Variants in GCGR observed in about 807,000 individuals in gnomAD.
GCGR encodes glucagon receptor.
Under a neutral mutation model 56.1 loss-of-function variants are expected in GCGR, and 41 were observed. The ratio of observed to expected loss-of-function variants is 0.73; its 90% CI spans 0.57 to 0.95. GCGR has a LOEUF of 0.95. Ranked by LOEUF, GCGR falls within the 40% of genes least tolerant of loss-of-function variation. The pLI, the probability that GCGR is intolerant of heterozygous loss-of-function variation, is 0.00. For synonymous variants in GCGR, 278 were observed against 271.1 expected, an observed-to-expected ratio of 1.03 and a Z score of -0.25; for missense variants, 595 against 638.2, an observed-to-expected ratio of 0.93 and a Z score of 0.73.
intron 1 of GCGR, among the ~76,000 whole-genome samples, chr17:81,807,646 A>G (rs2143105261): frequency 6.6e-6 from 1 of 152,028 alleles, no homozygotes; most frequent in East Asian, 1.9e-4. Context: ...CCATCCATCC[A>G]CACCTCTTAT....
intron 2 of GCGR, 81 bp downstream of exon 2, chr17:81,809,159 C>CCTGT (rs372155023): frequency 4.6e-5 from 66 of 1,449,166 alleles, no homozygotes; most frequent in Non-Finnish European, 5.7e-5. Flanking sequence ...TGCCTGCCTG[C>CCTGT]CTGCCTGCCT....
chr17:81,809,110 G>A, intron 2 of GCGR, 32 bp downstream of exon 2: 7 of 1,532,912 alleles, frequency 4.6e-6, no homozygotes, highest in Non-Finnish European at 5.2e-6. Flanking sequence ...AGCACCCAGG[G>A]GCCCTCCTGT....
Position 81,812,321 on chromosome 17 carries a change from G to A in GCGR, c.948+69G>A, listed in dbSNP as rs2038119686. On this transcript the variant is annotated intron_variant, in intron 10 of 13. Transcript: ENST00000400723. The surrounding 1 kb of genome is among the most constrained non-coding windows in gnomAD (Gnocchi z 8.5). ...CCTTGGCGTCCTGAGGCTGCCCCAG[G>A]AGACAGCAGCATCCTGTCTGAGAGC... 6.0e-6 allele frequency: 9 copies of A among 1,499,662 alleles called. No individual in the cohort carries two copies. The South Asian group carries it at 7.2e-5, about 12-fold the overall frequency. 92.9% of individuals were successfully genotyped at this position (1,499,662 alleles called of 1,614,324 possible).
Position 81,810,980 on chromosome 17 carries a change from G to C in GCGR, c.272-30G>C, listed in dbSNP as rs775310367. On this transcript the variant is annotated intron_variant, in intron 4 of 13. Coordinates refer to ENST00000400723, the MANE Select transcript of GCGR (RefSeq NM_000160.5). The surrounding 1 kb of genome is among the most constrained non-coding windows in gnomAD (Gnocchi z 4.6). ...GTGGGGGGGGCGGGCCCAGGGTGGG[G>C]CTGACCCCAGCCTCCCCCCACACCC... The C allele has an allele frequency of 2.6e-6, 4 of 1,535,558 alleles. No homozygotes were observed. The African/African-American group carries it at 4.1e-5, about 16-fold the overall frequency.
In GCGR at chr17:81,804,899, G is replaced by A. The variant is rs2037920041; in HGVS notation, c.-178+650G>A. On this transcript the variant is annotated intron_variant, in intron 1 of 13. Transcript: ENST00000400723. This position sits in a 1 kb window ranked among gnomAD's most constrained non-coding sequence, Gnocchi z 8.2. ...CTCCGACTCTGAACCGACTGACCCC[G>A]GCCCCCTCGGCGCCCGCATCCTCCA... Among the ~76,000 whole-genome samples, 1 of 152,140 alleles carries A rather than the reference G, an allele frequency of 6.6e-6. No individual in the cohort carries two copies. Among genetic ancestry groups the A allele is most frequent in the South Asian group, 2.1e-4 (1 of 4,830 alleles).
Position 81,813,140 on chromosome 17 carries a change from C to T in GCGR, c.1218+83C>T. On this transcript the variant is annotated intron_variant, in intron 13 of 13. Transcript: ENST00000400723. This position sits in a 1 kb window ranked among gnomAD's most constrained non-coding sequence, Gnocchi z 5.3. ...GAGAGAGGCACAGGGATGCCAGCCC[C>T]ACCCCTGCCCGGGGGTTGGAACACG... 4 of 1,524,632 alleles carry T rather than the reference C, an allele frequency of 2.6e-6. No homozygotes were observed. The highest frequency in any genetic ancestry group is 3.5e-6 in the Non-Finnish European group (4 of 1,138,170). 94.4% of individuals were successfully genotyped at this position (1,524,632 alleles called of 1,614,324 possible). A position where few individuals can be genotyped will look rare whatever the true frequency, so the allele number is the denominator to read the frequency against.
chr17:81,811,141 C>A lies in GCGR; in HGVS notation c.393+10C>A, dbSNP rs141153013. ...GGAGATTGAGGTCCAGGTCAGTGGG[C>A]GGCAGGCAGGCGCGGTGGGGCTGGA... On this transcript the variant is annotated intron_variant, in intron 5 of 13. Coordinates refer to ENST00000400723, the MANE Select transcript of GCGR (RefSeq NM_000160.5). The surrounding 1 kb of genome is among the most constrained non-coding windows in gnomAD (Gnocchi z 5.8). 1,088 of 1,536,152 alleles carry A rather than the reference C, an allele frequency of 7.1e-4. 5 individuals carry two copies. The African/African-American group carries it at 0.012, about 17-fold the overall frequency.
At chr17:81,809,634 C>A in intron 2 of GCGR, 148 bp from the exon 3 acceptor site, 1 of 662,752 alleles carries the variant, frequency 1.5e-6, no homozygotes. Flanking sequence ...CGTCTGCCTG[C>A]CTGTCTGTCT....
At chr17:81,809,228 C>A in intron 2 of GCGR, 150 bp downstream of exon 2, 1 of 930,634 alleles carries the variant, frequency 1.1e-6, no homozygotes, top group Non-Finnish European at 1.6e-6. Context: ...GTCTGTCTGC[C>A]TGTCCGTCTG....
chr17:81,813,071 G>A lies in GCGR; in HGVS notation c.1218+14G>A. The A allele has an allele frequency of 6.5e-7, 1 of 1,535,746 alleles. No individual in the cohort carries two copies. The highest frequency in any genetic ancestry group is 8.7e-7 in the Non-Finnish European group (1 of 1,146,792). On this transcript the variant is annotated intron_variant, in intron 13 of 13. Coordinates refer to ENST00000400723, the MANE Select transcript of GCGR (RefSeq NM_000160.5). This position sits in a 1 kb window ranked among gnomAD's most constrained non-coding sequence, Gnocchi z 5.3. ...CTCAACAAGGAGGTAGGTGGGAGTG[G>A]GGGCATCTGAGACCATCAGCACTGG...
At chr17:81,805,498 C>T (rs1419422451) in intron 1 of GCGR, among the ~76,000 whole-genome samples, 1 of 151,742 alleles carries the variant, frequency 6.6e-6, no homozygotes. Context: ...CGGGAGCCCC[C>T]CCATTGGGCA....
In GCGR at chr17:81,811,752, G is replaced by C. The variant is rs774745742; in HGVS notation, c.759G>C (p.Leu253=). The change falls in exon 8 of 14, where the codon CTG becomes CTC. Residue 253 remains leucine, a synonymous_variant. Transcript: ENST00000400723. This position sits in a 1 kb window ranked among gnomAD's most constrained non-coding sequence, Gnocchi z 5.8. The part of the protein sequence containing the change: ...LVEGLYLHNL[L]GLATLPERSF... Reference sequence around the variant, plus strand: ...AGGGCCTGTACCTGCACAACCTGCTGGGCCTGGCCACCCTCCCCGAGAGGA... The same window carrying C: ...AGGGCCTGTACCTGCACAACCTGCTCGGCCTGGCCACCCTCCCCGAGAGGA... The C allele has an allele frequency of 1.6e-5, 25 of 1,541,012 alleles. No homozygotes were observed. The highest frequency in any genetic ancestry group is 3.9e-5 in the Admixed American group (2 of 51,362).
Position 81,811,240 on chromosome 17 carries a change from T to A in GCGR, c.412T>A (p.Tyr138Asn). 3 of 1,536,200 alleles carry A rather than the reference T, an allele frequency of 2.0e-6. No homozygotes were observed. The highest frequency in any genetic ancestry group is 2.6e-6 in the Non-Finnish European group (3 of 1,146,738). Residue 138 changes from tyrosine (Y) to asparagine (N), a missense_variant, in exon 6 of 14, where the codon TAC becomes AAC. Coordinates refer to ENST00000400723, the MANE Select transcript of GCGR (RefSeq NM_000160.5). This position sits in a 1 kb window ranked among gnomAD's most constrained non-coding sequence, Gnocchi z 5.8. ...CTCGCAGAAGGAGGTGGCCAAGATG[T>A]ACAGCAGCTTCCAGGTGATGTACAC... ...IEVQKEVAKM[Y>N]SSFQVMYTVG...
chr17:81,809,188 C>T (rs2038024319), intron 2 of GCGR, 110 bp downstream of exon 2: 1 of 1,338,670 alleles, frequency 7.5e-7, no homozygotes. Flanking sequence ...GCCTGTCTGT[C>T]TGTCTGCCCG....
rs1417576479 is a variant in GCGR at position 81,806,200 on chromosome 17, C to G, written c.-178+1951C>G. 6.6e-6 allele frequency among the ~76,000 whole-genome samples: 1 copy of G among 152,130 alleles called. No homozygotes were observed. Among genetic ancestry groups the G allele is most frequent in the Non-Finnish European group, 1.5e-5 (1 of 68,004 alleles). ...CTGTTGGGGTGAGGAGCTGGAGTCT[C>G]CCTACCCATATGGGACCCACCACCC... On this transcript the variant is annotated intron_variant, in intron 1 of 13. Transcript: ENST00000400723. This position sits in a 1 kb window ranked among gnomAD's most constrained non-coding sequence, Gnocchi z 6.5.
chr17:81,813,049 A>C lies in GCGR; in HGVS notation c.1210A>C (p.Asn404His). ...GGTGGCTGTCCTCTACTGCTTCCTC[A>C]ACAAGGAGGTAGGTGGGAGTGGGGG... ...LLVAVLYCFL[N>H]KEVQSELRRR... The change falls in exon 13 of 14, where the codon AAC becomes CAC. Residue 404 changes from asparagine (N) to histidine (H), a missense_variant. Asn to His is a moderately conservative substitution (Grantham distance 68). Coordinates refer to ENST00000400723, the MANE Select transcript of GCGR (RefSeq NM_000160.5). The surrounding 1 kb of genome is among the most constrained non-coding windows in gnomAD (Gnocchi z 5.3). The C allele has an allele frequency of 1.3e-6, 2 of 1,536,052 alleles. No homozygotes were observed. The highest frequency in any genetic ancestry group is 1.7e-4 in the Middle Eastern group (1 of 5,718).
Position 81,806,157 on chromosome 17 carries a change from C to A in GCGR, c.-178+1908C>A, listed in dbSNP as rs1400936358. Reference sequence around the variant, plus strand: ...GGTGCTCAGCTGGAAATTGGTCCCCCCCCGGCTCCACCCACCCCTGTTGGG... The same window carrying A: ...GGTGCTCAGCTGGAAATTGGTCCCCACCCGGCTCCACCCACCCCTGTTGGG... On this transcript the variant is annotated intron_variant, in intron 1 of 13. Coordinates refer to ENST00000400723, the MANE Select transcript of GCGR (RefSeq NM_000160.5). This position sits in a 1 kb window ranked among gnomAD's most constrained non-coding sequence, Gnocchi z 6.5. Among the ~76,000 whole-genome samples the A allele has an allele frequency of 2.0e-5, 3 of 152,166 alleles. No homozygotes were observed. The highest frequency in any genetic ancestry group is 2.9e-5 in the Non-Finnish European group (2 of 68,016).
chr17:81,813,610 G>A lies in GCGR; in HGVS notation c.1355G>A (p.Arg452Lys), dbSNP rs761153740. Residue 452 changes from arginine (R) to lysine (K), a missense_variant, in exon 14 of 14, where the codon AGG (arginine) becomes AAG (lysine). Arg to Lys is a conservative substitution (Grantham distance 26). Transcript: ENST00000400723. The surrounding 1 kb of genome is among the most constrained non-coding windows in gnomAD (Gnocchi z 5.3). ...GPPSKELQFG[R>K]GGGSQDSSAE... is the part of the protein sequence containing the mutation. ...CCCAGCAAGGAGCTGCAGTTTGGGAGGGGTGGTGGCAGCCAGGATTCATCT... is the reference window on the plus strand; with the variant it reads ...CCCAGCAAGGAGCTGCAGTTTGGGAAGGGTGGTGGCAGCCAGGATTCATCT... The A allele has an allele frequency of 6.5e-7, 1 of 1,536,530 alleles. No homozygotes were observed. Among genetic ancestry groups the A allele is most frequent in the East Asian group, 2.4e-5 (1 of 40,916 alleles).
chr17:81,813,187 C>A lies in GCGR; in HGVS notation c.1218+130C>A. The A allele has an allele frequency of 1.4e-6, 2 of 1,387,042 alleles. No homozygotes were observed. The highest frequency in any genetic ancestry group is 1.4e-5 in the African/African-American group (1 of 70,186). 85.9% of individuals were successfully genotyped at this position (1,387,042 alleles called of 1,614,324 possible). A position where few individuals can be genotyped will look rare whatever the true frequency, so the allele number is the denominator to read the frequency against. On this transcript the variant is annotated intron_variant, in intron 13 of 13. Transcript: ENST00000400723. The surrounding 1 kb of genome is among the most constrained non-coding windows in gnomAD (Gnocchi z 5.3). ...CACGTGGGGCCCAAGCCTTTCCCTC[C>A]CCCTGCTCTTATTGGGTGCAGTTGC...
Sources: allele counts gnomAD v4.1 joint callset (sites outside exome capture counted in the v4.1 genomes callset), GRCh38; gene constraint gnomAD v4.1.1; non-coding constraint Gnocchi (gnomAD v3.1); transcripts MANE v1.5; gene names NCBI Gene and HGNC (gene_info 2026-07-23, HGNC 2026-07-21).